ITGB7: variants seen among roughly 807,000 people sequenced by gnomAD.
The protein encoded by ITGB7 is integrin beta-7.
In ITGB7, 55 loss-of-function variants were observed where a neutral mutation model predicts 83.4. The ratio of observed to expected loss-of-function variants is 0.66; its 90% CI spans 0.53 to 0.83. ITGB7 has a LOEUF of 0.83. ITGB7 is among the 40% of genes least tolerant of loss of function. ITGB7 has a pLI of 0.00. For missense variants in ITGB7, 921 were observed against 1,046.7 expected (o/e 0.88, Z 1.66); for synonymous variants, 454 against 423.6 (o/e 1.07, Z -0.88).
chr12:53,193,296 C>T lies in ITGB7; in HGVS notation c.1570G>A (p.Glu524Lys). Residue 524 changes from glutamate (E) to lysine (K), a missense_variant, in exon 12 of 16, where the codon GAA becomes AAA. Glu to Lys is a moderately conservative substitution (Grantham distance 56, BLOSUM62 1). Transcript: ENST00000267082. ...CCATTGGGAGCCCGGCACCCAGATT[C>T]CAGGTCTGGGGAGGACAGCTCTGCC... is the stretch of plus-strand genomic sequence containing the variant. Reference protein sequence around the residue: ...SVAELSSPDLESGCRAPNGTG... With the variant: ...SVAELSSPDLKSGCRAPNGTG... The T allele has an allele frequency of 6.2e-7, 1 of 1,612,786 alleles. No homozygotes were observed.
chr12:53,204,673 A>T (rs1455861393), intron 1 of ITGB7, among the ~76,000 whole-genome samples: 1 of 152,134 alleles, frequency 6.6e-6, no homozygotes, highest in Non-Finnish European at 1.5e-5. Flanking sequence ...GTACACTTAA[A>T]AGGGGTAAAA....
chr12:53,195,668 C>G lies in ITGB7; in HGVS notation c.1029G>C (p.Gln343His). 1 of 1,614,124 alleles carries G rather than the reference C, an allele frequency of 6.2e-7. No individual in the cohort carries two copies. The highest frequency in any genetic ancestry group is 8.5e-7 in the Non-Finnish European group (1 of 1,180,006). The change falls in exon 8 of 16, where the codon CAG (glutamine) becomes CAC (histidine). Residue 343 changes from glutamine to histidine, a missense_variant. Transcript: ENST00000267082. ...CGGCACTGGTGACAGCAAAGATGGG[C>G]TGGATATTTGCTGCAGAGAGGGCCT... ...VAQALSAANI[Q>H]PIFAVTSAAL...
At chr12:53,196,275 A>G (rs1274970252) in intron 6 of ITGB7, 76 bp from the exon 7 acceptor site, 3 of 1,536,436 alleles carry the variant, frequency 2.0e-6, no homozygotes, top group Admixed American at 1.7e-5. Context: ...CTGTGAGCCA[A>G]GAATGTGGCC....
chr12:53,197,466 CAG>C lies in ITGB7; in HGVS notation c.574+25_574+26del. 3.1e-6 allele frequency: 5 copies of C among 1,613,880 alleles called. No individual in the cohort carries two copies. The South Asian group carries it at 4.4e-5, about 14-fold the overall frequency. Reference sequence around the variant, plus strand: ...CAGTGGTTGAATAGGCAAGGGCTAACAGGGCGGGAGGCAGCGCTCGGCTCACC... The same window carrying C: ...CAGTGGTTGAATAGGCAAGGGCTAACGGCGGGAGGCAGCGCTCGGCTCACC... On this transcript the variant is annotated intron_variant, in intron 5 of 15. Coordinates refer to ENST00000267082, the MANE Select transcript of ITGB7 (RefSeq NM_000889.3).
chr12:53,192,207 T>G, intron 14 of ITGB7, 123 bp downstream of exon 14: 1 of 1,253,350 alleles, frequency 8.0e-7, no homozygotes, highest in South Asian at 1.3e-5. Flanking sequence ...CCTCTGCCTT[T>G]GTCCTGGATT....
chr12:53,197,686 G>A, intron 4 of ITGB7, 23 bp from the exon 5 acceptor site: 1 of 1,610,676 alleles, frequency 6.2e-7, no homozygotes, highest in Non-Finnish European at 8.5e-7. Flanking sequence ...CGGCGGGCGG[G>A]TCAGCAGAGC....
At chr12:53,195,794 G>A in intron 7 of ITGB7, 73 bp from the exon 8 acceptor site, 1 of 1,306,426 alleles carries the variant, frequency 7.7e-7, no homozygotes, top group Non-Finnish European at 1.1e-6. Flanking sequence ...CTCAGCCCAG[G>A]GAATCCAGGA....
chr12:53,197,973 G>T (rs1162299349), intron 3 of ITGB7, 22 bp from the exon 4 acceptor site: 4 of 1,524,590 alleles, frequency 2.6e-6, no homozygotes, highest in African/African-American at 2.8e-5. Context: ...GAAAAGGCGC[G>T]TCGGGACCCG....
intron 1 of ITGB7, among the ~76,000 whole-genome samples, chr12:53,203,054 A>G (rs1270569525): frequency 6.6e-6 from 1 of 152,230 alleles, no homozygotes; most frequent in Non-Finnish European, 1.5e-5. Context: ...CAAAAGCACA[A>G]ACAACAAAAG....
intron 1 of ITGB7, among the ~76,000 whole-genome samples, chr12:53,202,142 T>G (rs1194320777): frequency 6.6e-6 from 1 of 151,538 alleles, no homozygotes; most frequent in African/African-American, 2.4e-5. Context: ...GTGGATCACT[T>G]GAGGTCAGGA....
chr12:53,200,158 T>C, intron 3 of ITGB7, 85 bp downstream of exon 3: 1 of 1,189,696 alleles, frequency 8.4e-7, no homozygotes, highest in South Asian at 1.4e-5. Flanking sequence ...GCCCACACAA[T>C]CACACACATA....
rs201711140 is a variant in ITGB7 at position 53,194,232 on chromosome 12, C to T, written c.1274G>A (p.Arg425Gln). 6.6e-4 allele frequency: 1,063 copies of T among 1,614,012 alleles called. 2 individuals are homozygous for T. Among genetic ancestry groups the T allele is most frequent in the Non-Finnish European group, 5.3e-4 (625 of 1,179,982 alleles). The stretch of plus-strand genomic sequence containing the variant: ...GATTCGGACGTGGTTGCACTGTCCT[C>T]GATCCTCAGCCTTACCCTCCCTCTT... ...PEKREGKAED[R>Q]GQCNHVRINQ... Residue 425 changes from arginine to glutamine, a missense_variant, in exon 10 of 16, where the codon CGA becomes CAA. Arg to Gln is a conservative substitution (Grantham distance 43). Coordinates refer to ENST00000267082, the MANE Select transcript of ITGB7 (RefSeq NM_000889.3).
Position 53,192,736 on chromosome 12 carries a change from A to T in ITGB7, c.1901T>A (p.Leu634Gln), listed in dbSNP as rs1167441301. 4 of 1,614,126 alleles carry T rather than the reference A, an allele frequency of 2.5e-6. No individual in the cohort carries two copies. The highest frequency in any genetic ancestry group is 3.4e-6 in the Non-Finnish European group (4 of 1,180,054). Residue 634 changes from leucine (L) to glutamine (Q), a missense_variant, in exon 13 of 16, where the codon CTA becomes CAA. Transcript: ENST00000267082. ...CTTGCAGCCTGGGCATTGGTCGCAT[A>T]GAGCACCATAGTAGCCGTCCAAGCA... ...CQCLDGYYGA[L>Q]CDQCPGCKTP...
chr12:53,193,919 T>C lies in ITGB7; in HGVS notation c.1309-18A>G, dbSNP rs746182058. The stretch of plus-strand genomic sequence containing the variant: ...AAAGTCACCTGAGAAGAGGCAGGAA[T>C]CAGGCCATGGTTATACACATGCACA... On this transcript the variant is annotated intron_variant, in intron 10 of 15. Transcript: ENST00000267082. 2 of 1,605,386 alleles carry C rather than the reference T, an allele frequency of 1.2e-6. No individual in the cohort carries two copies. The highest frequency in any genetic ancestry group is 8.5e-7 in the Non-Finnish European group (1 of 1,175,246).
Position 53,194,329 on chromosome 12 carries a change from C to T in ITGB7, c.1177G>A (p.Val393Met), listed in dbSNP as rs139063110. The change falls in exon 10 of 16, where the codon GTG becomes ATG. Residue 393 changes from valine (V) to methionine (M), a missense_variant. Coordinates refer to ENST00000267082, the MANE Select transcript of ITGB7 (RefSeq NM_000889.3). ...GGGAGTGAAGAGTGTTCAAGGGTCA[C>T]GGTGGAAGACAGGCTCTATGGGAAG... Reference protein sequence around the residue: ...MDAYNSLSSTVTLEHSSLPPG... With the variant: ...MDAYNSLSSTMTLEHSSLPPG... 7.4e-6 allele frequency: 12 copies of T among 1,613,890 alleles called. No individual in the cohort carries two copies. Among genetic ancestry groups the T allele is most frequent in the East Asian group, 4.5e-5 (2 of 44,882 alleles).
chr12:53,202,256 G>C (rs1942338379), intron 1 of ITGB7, among the ~76,000 whole-genome samples: 1 of 152,144 alleles, frequency 6.6e-6, no homozygotes, highest in Non-Finnish European at 1.5e-5. Context: ...CTACTCAGGA[G>C]GCTGAGGCAG....
chr12:53,199,070 C>T (rs1442199307), intron 3 of ITGB7, among the ~76,000 whole-genome samples: 2 of 152,162 alleles, frequency 1.3e-5, no homozygotes, highest in Admixed American at 6.5e-5. Flanking sequence ...GTGTGCCTTT[C>T]TCCTGGGTCC....
chr12:53,191,513 G>A lies in ITGB7; in HGVS notation c.*43C>T. ...TTCCTCTCACCCTCCAGTTCCCACT[G>A]TCCTCCAAGGAGAAGAGCCTTGGGT... On this transcript the variant is annotated 3_prime_UTR_variant, in exon 16 of 16. Transcript: ENST00000267082. 6.8e-7 allele frequency: 1 copy of A among 1,469,628 alleles called. No homozygotes were observed. The highest frequency in any genetic ancestry group is 2.3e-5 in the East Asian group (1 of 44,128). 91.0% of individuals were successfully genotyped at this position (1,469,628 alleles called of 1,614,324 possible).
At chr12:53,195,933 T>C (rs1308150048) in intron 7 of ITGB7, 108 bp downstream of exon 7, 19 of 1,276,600 alleles carry the variant, frequency 1.5e-5, no homozygotes, top group Admixed American at 1.9e-5. Flanking sequence ...GATGGCAGGG[T>C]GTCTACAGGG....
Sources: gnomAD v4.1 joint callset for allele counts (sites outside exome capture counted in the v4.1 genomes callset) on GRCh38, gnomAD v4.1.1 for gene constraint, MANE v1.5 for transcripts, NCBI Gene and HGNC (gene_info 2026-07-23, HGNC 2026-07-21) for gene names.